The following TRPM6 variants were observed in gnomAD, a reference collection of about 807,000 sequenced individuals.
TRPM6 encodes transient receptor potential cation channel subfamily M member 6.
Under a neutral mutation model 247.6 loss-of-function variants are expected in TRPM6, and 111 were observed. The ratio of observed to expected loss-of-function variants is 0.45; its 90% confidence interval spans 0.38 to 0.52. TRPM6 has a LOEUF of 0.52. TRPM6 is among the 20% of genes least tolerant of loss of function. The pLI is 0.00. For synonymous variants in TRPM6, 892 were observed against 853.8 expected, an observed-to-expected ratio of 1.04 and a Z score of -0.78; for missense variants, 2,126 against 2,421.5, an observed-to-expected ratio of 0.88 and a Z score of 2.56.
chr9:74,851,663 C>T (rs1171677304), intron 3 of TRPM6, among the ~76,000 whole-genome samples: 3 of 151,088 alleles, frequency 2.0e-5, no homozygotes, highest in African/African-American at 7.3e-5. Context: ...GCACGAGAAT[C>T]GCTTGAACCT....
chr9:74,729,344 G>T (rs1805049268), intron 37 of TRPM6, among the ~76,000 whole-genome samples: 1 of 152,148 alleles, frequency 6.6e-6, no homozygotes, highest in Admixed American at 6.6e-5. Context: ...GTGTAAAAAT[G>T]GACTTTTTTC....
At chr9:74,830,733 T>A (rs1587553353) in intron 6 of TRPM6, among the ~76,000 whole-genome samples, 1 of 142,556 alleles carries the variant, frequency 7.0e-6, no homozygotes, top group African/African-American at 2.6e-5. Flanking sequence ...TGCACCACCA[T>A]GCCCAGCTAA....
chr9:74,753,187 A>G (rs1826315690), intron 28 of TRPM6, among the ~76,000 whole-genome samples: 1 of 151,602 alleles, frequency 6.6e-6, no homozygotes, highest in South Asian at 2.1e-4. Context: ...AAAAAGGATG[A>G]TGAGGTTCAT....
At chr9:74,857,989 G>A (rs35638157) in intron 2 of TRPM6, among the ~76,000 whole-genome samples, 2,186 of 152,182 alleles carry the variant, frequency 0.014, 21 homozygotes, top group Middle Eastern at 0.037. Context: ...TTTCTGTAAC[G>A]TCTATCCTCC....
At chr9:74,745,483 GTA>G (rs1826013209) in intron 31 of TRPM6, among the ~76,000 whole-genome samples, 2 of 151,556 alleles carry the variant, frequency 1.3e-5, no homozygotes, top group Non-Finnish European at 1.5e-5. Flanking sequence ...GTGTGTGTGT[GTA>G]TGCATCAACT....
At chr9:74,744,312 T>A (rs1587461171) in intron 31 of TRPM6, 167 bp from the exon 32 acceptor site, 2 of 696,386 alleles carry the variant, frequency 2.9e-6, no homozygotes, top group East Asian at 5.4e-5. Context: ...GCGCATGGTA[T>A]CCTGACAGCT....
intron 38 of TRPM6, among the ~76,000 whole-genome samples, chr9:74,725,543 A>G (rs1261798487): frequency 1.3e-5 from 2 of 152,192 alleles, no homozygotes; most frequent in Non-Finnish European, 2.9e-5. Flanking sequence ...CATGGGGGGA[A>G]TCCAGTGGGA....
At chr9:74,807,533 G>A (rs1828567841) in intron 14 of TRPM6, among the ~76,000 whole-genome samples, 1 of 152,008 alleles carries the variant, frequency 6.6e-6, no homozygotes, top group Non-Finnish European at 1.5e-5. Context: ...AACTATCATG[G>A]AAAATAAAAT....
intron 16 of TRPM6, among the ~76,000 whole-genome samples, chr9:74,800,754 A>G (rs2119001502): frequency 6.6e-6 from 1 of 152,138 alleles, no homozygotes; most frequent in African/African-American, 2.4e-5. Context: ...GGAGGTTTAC[A>G]TTGTAGCATA....
rs767636150 is a variant in TRPM6, at chr9:74,796,703, T to C, written c.2391+38A>G. On this transcript the variant is annotated intron_variant, in intron 18 of 38. Coordinates refer to ENST00000360774, the MANE Select transcript of TRPM6 (RefSeq NM_017662.5). ...GATGTGTATATTTGCGTGCAGTCAA[T>C]ACAATGAAAATTCAGTTCATTATGA... The C allele has an allele frequency of 8.1e-6, 13 of 1,605,980 alleles. No homozygotes were observed. In the Admixed American group the frequency reaches 1.7e-4, roughly 21 times the overall value.
Position 74,739,922 on chromosome 9 carries a change from C to A in TRPM6, c.5288G>T (p.Arg1763Ile), listed in dbSNP as rs1301516354. The A allele has an allele frequency of 6.2e-7, 1 of 1,614,164 alleles. No individual in the cohort carries two copies. Among genetic ancestry groups the A allele is most frequent in the Admixed American group, 1.7e-5 (1 of 60,018 alleles). Reference protein sequence around the residue: ...KSMSSWSQRGRAAMIQVLSRE... With the variant: ...KSMSSWSQRGIAAMIQVLSRE... ...GGACAATACCTGGATCATTGCCGCTCTCCCACGCTGAGACCAAGAGGACAT... is the reference window on the plus strand; with the variant it reads ...GGACAATACCTGGATCATTGCCGCTATCCCACGCTGAGACCAAGAGGACAT... Residue 1763 changes from arginine (R) to isoleucine (I), a missense_variant, in exon 34 of 39, where the codon AGA (arginine) becomes ATA (isoleucine). Around this residue, in one of 3 missense-constraint regions of TRPM6, gnomAD observed 327 missense variants for 397.7 expected, o/e 0.82. Coordinates refer to ENST00000360774, the MANE Select transcript of TRPM6 (RefSeq NM_017662.5).
intron 9 of TRPM6, 68 bp from the exon 10 acceptor site, chr9:74,817,032 C>T: frequency 7.5e-7 from 1 of 1,325,934 alleles, no homozygotes; most frequent in Non-Finnish European, 1.1e-6. Context: ...CAAAGAGTAC[C>T]CACAGAATTC....
chr9:74,755,433 T>C lies in TRPM6; in HGVS notation c.4826A>G (p.Asn1609Ser). The C allele has an allele frequency of 1.2e-6, 2 of 1,614,172 alleles. No individual in the cohort carries two copies. The highest frequency in any genetic ancestry group is 2.2e-5 in the South Asian group (2 of 91,086). Residue 1609 changes from asparagine (N) to serine (S), a missense_variant, in exon 28 of 39, where the codon AAT becomes AGT. By Grantham distance (46) the Asn-to-Ser change is conservative. Transcript: ENST00000360774. ...GATGCTGTTTTCTCCTGGCTCTGGA[T>C]TCAACTGGTCACTCTGAGAGCAGGC... ...VNACSQSDQL[N>S]PEPGENSISE...
chr9:74,724,930 C>T (rs1007727561), intron 38 of TRPM6, among the ~76,000 whole-genome samples, 184 bp from the exon 39 acceptor site: 5 of 152,308 alleles, frequency 3.3e-5, no homozygotes, highest in East Asian at 1.9e-4. Flanking sequence ...CCCAATACCC[C>T]CCTTCCTTCC....
At chr9:74,776,714 T>A (rs1827235770) in intron 23 of TRPM6, among the ~76,000 whole-genome samples, 1 of 152,168 alleles carries the variant, frequency 6.6e-6, no homozygotes, top group Admixed American at 6.5e-5. Flanking sequence ...ATGGGGGTAA[T>A]GATTGGAGGT....
intron 23 of TRPM6, among the ~76,000 whole-genome samples, chr9:74,779,386 C>T (rs1827337239): frequency 6.6e-6 from 1 of 152,148 alleles, no homozygotes; most frequent in East Asian, 1.9e-4. Flanking sequence ...AATGGTTGGG[C>T]TAAGAGAGAT....
At chr9:74,777,408 T>G (rs894762583) in intron 23 of TRPM6, among the ~76,000 whole-genome samples, 2 of 152,172 alleles carry the variant, frequency 1.3e-5, no homozygotes, top group African/African-American at 4.8e-5. Context: ...TGTTCATCTC[T>G]AACGTGAGAA....
chr9:74,802,230 T>C lies in TRPM6; in HGVS notation c.1732-55A>G, dbSNP rs907416826. ...TCAAATACTCAGATGTATGATGTTTTACCTAATTCAACACAGCAGGTGTCC... is the reference window on the plus strand; with the variant it reads ...TCAAATACTCAGATGTATGATGTTTCACCTAATTCAACACAGCAGGTGTCC... On this transcript the variant is annotated intron_variant, in intron 15 of 38. Transcript: ENST00000360774. The C allele has an allele frequency of 1.1e-5, 17 of 1,535,590 alleles. No individual in the cohort carries two copies. The African/African-American group carries it at 2.2e-4, about 20-fold the overall frequency.
intron 1 of TRPM6, among the ~76,000 whole-genome samples, chr9:74,862,795 A>C (rs1830729330): frequency 6.6e-6 from 1 of 152,038 alleles, no homozygotes; most frequent in Admixed American, 6.6e-5. Flanking sequence ...CAGCCTGGAC[A>C]ACATGGCAAA....
Sources: allele counts gnomAD v4.1 joint callset (sites outside exome capture counted in the v4.1 genomes callset), GRCh38; gene constraint gnomAD v4.1.1; regional missense constraint gnomAD v4.1.1; transcripts MANE v1.5; gene names NCBI Gene and HGNC (gene_info 2026-07-23, HGNC 2026-07-21).